Variants in LINS1 observed in about 807,000 individuals in gnomAD.
LINS1 encodes the protein lines homolog 1.
Under a neutral mutation model 41.6 loss-of-function variants are expected in LINS1, and 27 were observed. That is an observed-to-expected ratio of 0.65 (90% CI 0.48 to 0.89). LINS1 has a LOEUF of 0.89. LINS1 is among the 40% of genes least tolerant of loss of function. The pLI is 0.00. For synonymous variants in LINS1, 336 were observed against 312.9 expected (o/e 1.07, Z -0.78); for missense variants, 955 against 884.1 (o/e 1.08, Z -1.02).
intron 1 of LINS1, among the ~76,000 whole-genome samples, chr15:100,597,165 T>G (rs2039286223): frequency 6.6e-6 from 1 of 152,192 alleles, no homozygotes; most frequent in South Asian, 2.1e-4. Flanking sequence ...TGGTCTCCCT[T>G]TCAAATTCTT....
rs1003796383 is a variant in LINS1, at chr15:100,594,916, G to A, written c.-104+7205C>T. Reference sequence around the variant, plus strand: ...TACTTTTAGTGGCTATACCAAACCCGGCAAGCTCCTCATGAAAAATCAACA... The same window carrying A: ...TACTTTTAGTGGCTATACCAAACCCAGCAAGCTCCTCATGAAAAATCAACA... On this transcript the variant is annotated intron_variant, in intron 1 of 6. Coordinates refer to ENST00000314742, the MANE Select transcript of LINS1 (RefSeq NM_001040616.3). Among the ~76,000 whole-genome samples, 9 of 152,064 alleles carry A rather than the reference G, an allele frequency of 5.9e-5. No individual in the cohort carries two copies. The East Asian group carries it at 1.3e-3, about 23-fold the overall frequency.
At chr15:100,594,021 C>T (rs1272172956) in intron 1 of LINS1, among the ~76,000 whole-genome samples, 1 of 152,144 alleles carries the variant, frequency 6.6e-6, no homozygotes, top group African/African-American at 2.4e-5. Context: ...GGTTCCAAAA[C>T]CCACCAAGGA....
At chr15:100,572,412 T>C in intron 5 of LINS1, 1 of 1,114,354 alleles carries the variant, frequency 9.0e-7, no homozygotes, top group Non-Finnish European at 1.1e-6. Flanking sequence ...CTTCATCGGA[T>C]GCCAGAGCTG....
At chr15:100,581,317 A>G (rs2038530632) in intron 1 of LINS1, among the ~76,000 whole-genome samples, 1 of 152,124 alleles carries the variant, frequency 6.6e-6, no homozygotes, top group Non-Finnish European at 1.5e-5. Flanking sequence ...CCTGACCTCT[A>G]CCTTCTACAT....
rs1315545945 is a variant in LINS1, at chr15:100,567,588, G to C, written c.*1650C>G. 3 of 152,060 alleles carry C rather than the reference G, an allele frequency of 2.0e-5. No individual in the cohort carries two copies. Among genetic ancestry groups the C allele is most frequent in the Non-Finnish European group, 4.4e-5 (3 of 68,002 alleles). 9.4% of individuals were successfully genotyped at this position (152,060 alleles called of 1,614,324 possible). The stretch of plus-strand genomic sequence containing the variant: ...TCACATCCACAAACGTGCATAGAAC[G>C]CATCTACCATTCCACTGACTATACA... On this transcript the variant is annotated 3_prime_UTR_variant, in exon 7 of 7. Transcript: ENST00000314742.
At chr15:100,573,432 T>TAAGGA in intron 5 of LINS1, 1 of 1,035,432 alleles carries the variant, frequency 9.7e-7, no homozygotes, top group Non-Finnish European at 1.3e-6. Context: ...AATCATTCCT[T>TAAGGA]ATGCTTTACA....
At position 100,575,536 on chromosome 15, in the gene LINS1, G is replaced by A. The variant is rs189313730; in HGVS notation, c.490-408C>T. On this transcript the variant is annotated intron_variant, in intron 3 of 6. Coordinates refer to ENST00000314742, the MANE Select transcript of LINS1 (RefSeq NM_001040616.3). Reference sequence around the variant, plus strand: ...CAGATTCATAAAGCAACTCCTTAGAGACCTACAAAGAGACTTAGACTCCCA... The same window carrying A: ...CAGATTCATAAAGCAACTCCTTAGAAACCTACAAAGAGACTTAGACTCCCA... 5.8e-3 allele frequency among the ~76,000 whole-genome samples: 888 copies of A among 152,170 alleles called. 7 individuals are homozygous for A. The highest frequency in any genetic ancestry group is 0.014 in the Middle Eastern group (4 of 294).
chr15:100,569,764 T>C lies in LINS1; in HGVS notation c.1748A>G (p.His583Arg), dbSNP rs571642977. The C allele has an allele frequency of 6.2e-7, 1 of 1,613,908 alleles. No individual in the cohort carries two copies. The highest frequency in any genetic ancestry group is 1.7e-5 in the Admixed American group (1 of 59,998). ...IPHRLTAPHSHRDVCARHSWA... is the reference protein window; with the variant it reads ...IPHRLTAPHSRRDVCARHSWA... ...GGAGTGCCGAGCACACACATCTCTG[T>C]GACTATGAGGAGCAGTCAAACGATG... The change falls in exon 7 of 7, where the codon CAC (histidine) becomes CGC (arginine). Residue 583 changes from histidine to arginine, a missense_variant. Physicochemically the swap from His to Arg is conservative, Grantham distance 29. Coordinates refer to ENST00000314742, the MANE Select transcript of LINS1 (RefSeq NM_001040616.3).
At chr15:100,592,111 A>G (rs1050281429) in intron 1 of LINS1, among the ~76,000 whole-genome samples, 1 of 152,182 alleles carries the variant, frequency 6.6e-6, no homozygotes. Context: ...CAAGTAATCA[A>G]TGGAAACCTC....
In LINS1 at chr15:100,569,239, T is replaced by C; in HGVS notation, c.2273A>G (p.Ter758=). Reference sequence around the variant, plus strand: ...CCTGGAAAATAAAATGTCAATGTTTTACAAAGTGTTCATAGTTTTATTACT... The same window carrying C: ...CCTGGAAAATAAAATGTCAATGTTTCACAAAGTGTTCATAGTTTTATTACT... ...VISNKTMNTL[*] Residue 758 remains the stop codon, a stop_retained_variant, in exon 7 of 7, where the codon TAA becomes TGA. Transcript: ENST00000314742. 3 of 1,572,278 alleles carry C rather than the reference T, an allele frequency of 1.9e-6. No individual in the cohort carries two copies. The highest frequency in any genetic ancestry group is 1.7e-6 in the Non-Finnish European group (2 of 1,143,188).
chr15:100,575,152 G>A (rs942944630), intron 3 of LINS1, 24 bp from the exon 4 acceptor site: 8 of 1,597,964 alleles, frequency 5.0e-6, no homozygotes, highest in Middle Eastern at 1.7e-4. Flanking sequence ...AATAAAGCAA[G>A]CAGTTAAAAT....
At chr15:100,600,551 C>CAAA (rs56911211) in intron 1 of LINS1, among the ~76,000 whole-genome samples, 4,653 of 79,292 alleles carry the variant, frequency 0.059, 509 homozygotes, top group African/African-American at 0.084. Context: ...TGCTGTTAAG[C>CAAA]AAAAAAAAAA....
In LINS1 at chr15:100,580,474, G is replaced by A. The variant is rs994084627; in HGVS notation, c.369C>T (p.Leu123=). Residue 123 remains leucine, a synonymous_variant, in exon 2 of 7, where the codon CTC becomes CTT. Transcript: ENST00000314742. Reference sequence around the variant, plus strand: ...TAGAATCGACTTTGGCTGATTCTAAGAGAATTTTAATTACATCTCTGTACT... The same window carrying A: ...TAGAATCGACTTTGGCTGATTCTAAAAGAATTTTAATTACATCTCTGTACT... ...KEQYRDVIKI[L]LESAKVDSKL... 6.2e-7 allele frequency: 1 copy of A among 1,613,982 alleles called. No individual in the cohort carries two copies. Among genetic ancestry groups the A allele is most frequent in the Non-Finnish European group, 8.5e-7 (1 of 1,179,924 alleles).
rs151123716 is a variant in LINS1 at position 100,583,596 on chromosome 15, G to C, written c.-103-2651C>G. On this transcript the variant is annotated intron_variant, in intron 1 of 6. Coordinates refer to ENST00000314742, the MANE Select transcript of LINS1 (RefSeq NM_001040616.3). ...GCTCTCAGAAGGCCAGAATGGAAAA[G>C]CACCATACCCTTTTTTATTCCAAGA... Among the ~76,000 whole-genome samples, 373 of 152,286 alleles carry C rather than the reference G, an allele frequency of 2.4e-3. 1 individual carries two copies. Among genetic ancestry groups the C allele is most frequent in the African/African-American group, 8.5e-3 (354 of 41,550 alleles).
In LINS1 at chr15:100,569,878, A is replaced by T. The variant is rs774778933; in HGVS notation, c.1634T>A (p.Phe545Tyr). 6.2e-7 allele frequency: 1 copy of T among 1,613,672 alleles called. No individual in the cohort carries two copies. The highest frequency in any genetic ancestry group is 1.3e-5 in the African/African-American group (1 of 75,060). Residue 545 changes from phenylalanine to tyrosine, a missense_variant, in exon 7 of 7, where the codon TTT becomes TAT. Transcript: ENST00000314742. ...GTCATATTTAGATTCAGTTGCATCA[A>T]AGTTATTGCAAATGGTGAAAAAATT... ...WDNFFTICNN[F>Y]DATESKYDIS...
At chr15:100,586,239 C>T (rs994348977) in intron 1 of LINS1, 2 of 152,206 alleles carry the variant, frequency 1.3e-5, no homozygotes, top group African/African-American at 2.4e-5. Context: ...ACCTGGAAGC[C>T]CCCTCCCAGC....
Position 100,568,429 on chromosome 15 carries a change from G to A in LINS1, c.*809C>T, listed in dbSNP as rs1028343403. ...TCCAATGACCGATGTCCTTGTAGGAGGGAAACTGGACACAGACACAGGAAA... is the reference window on the plus strand; with the variant it reads ...TCCAATGACCGATGTCCTTGTAGGAAGGAAACTGGACACAGACACAGGAAA... On this transcript the variant is annotated 3_prime_UTR_variant, in exon 7 of 7. Coordinates refer to ENST00000314742, the MANE Select transcript of LINS1 (RefSeq NM_001040616.3). The A allele has an allele frequency of 2.0e-5, 3 of 152,248 alleles. No individual in the cohort carries two copies. The highest frequency in any genetic ancestry group is 7.2e-5 in the African/African-American group (3 of 41,428). The allele number at this position is 152,248 out of a possible 1,614,324, so 9.4% of individuals were successfully genotyped here.
chr15:100,599,948 C>A (rs1256049081), intron 1 of LINS1, among the ~76,000 whole-genome samples: 1 of 152,050 alleles, frequency 6.6e-6, no homozygotes, highest in South Asian at 2.1e-4. Flanking sequence ...TGTCTGTAGT[C>A]CCAGGTACTC....
chr15:100,599,053 C>G (rs1293986518), intron 1 of LINS1, among the ~76,000 whole-genome samples: 1 of 152,192 alleles, frequency 6.6e-6, no homozygotes, highest in African/African-American at 2.4e-5. Context: ...GGGCATTTTT[C>G]CAATGACAAA....
Sources: gnomAD v4.1 joint callset for allele counts (sites outside exome capture counted in the v4.1 genomes callset) on GRCh38, gnomAD v4.1.1 for gene constraint, MANE v1.5 for transcripts, NCBI Gene and HGNC (gene_info 2026-07-23, HGNC 2026-07-21) for gene names.